SPIDR: variants seen among roughly 807,000 people sequenced by gnomAD.
The protein encoded by SPIDR is DNA repair-scaffolding protein.
Under a neutral mutation model 104.6 loss-of-function variants are expected in SPIDR, and 93 were observed. The ratio of observed to expected loss-of-function variants is 0.89; its 90% CI spans 0.75 to 1.06. SPIDR has a LOEUF of 1.06. Ranked by LOEUF, SPIDR falls within the 50% of genes least tolerant of loss-of-function variation. SPIDR has a pLI of 0.00. For missense variants in SPIDR, 1,154 were observed against 1,111.2 expected, an observed-to-expected ratio of 1.04 and a Z score of -0.55; for synonymous variants, 431 against 416.9, an observed-to-expected ratio of 1.03 and a Z score of -0.41.
At chr8:47,490,746 A>T (rs143891270) in intron 8 of SPIDR, among the ~76,000 whole-genome samples, 2 of 152,218 alleles carry the variant, frequency 1.3e-5, no homozygotes, top group African/African-American at 4.8e-5. Flanking sequence ...TATCGCAAGG[A>T]CAAAAAACCA....
Position 47,735,931 on chromosome 8 carries a change from A to G in SPIDR, c.*481A>G, listed in dbSNP as rs1401242422. The G allele has an allele frequency of 4.3e-6, 1 of 232,722 alleles. No individual in the cohort carries two copies. The highest frequency in any genetic ancestry group is 8.6e-6 in the Non-Finnish European group (1 of 116,134). 14.4% of individuals were successfully genotyped at this position (232,722 alleles called of 1,614,324 possible). A position where few individuals can be genotyped will look rare whatever the true frequency, so the allele number is the denominator to read the frequency against. ...AAACCTAAGCACTTTGCAGTTCACTACTTTTGGGAAAATGTTCTAGGGAAC... is the reference window on the plus strand; with the variant it reads ...AAACCTAAGCACTTTGCAGTTCACTGCTTTTGGGAAAATGTTCTAGGGAAC... On this transcript the variant is annotated 3_prime_UTR_variant, in exon 20 of 20. Transcript: ENST00000297423.
chr8:47,657,250 A>G (rs1401131177), intron 10 of SPIDR, among the ~76,000 whole-genome samples: 1 of 152,232 alleles, frequency 6.6e-6, no homozygotes, highest in Admixed American at 6.5e-5. Flanking sequence ...AAAAGGCATA[A>G]TAGCTTGTTT....
At chr8:47,388,516 T>C (rs1347438244) in intron 5 of SPIDR, 2 of 154,168 alleles carry the variant, frequency 1.3e-5, no homozygotes, top group Non-Finnish European at 2.9e-5. Flanking sequence ...CATGAGCTCA[T>C]GGACTTTTCG....
chr8:47,275,754 A>G (rs2036301173), intron 1 of SPIDR, among the ~76,000 whole-genome samples: 1 of 152,306 alleles, frequency 6.6e-6, no homozygotes, highest in African/African-American at 2.4e-5. Flanking sequence ...GTAATTTTGT[A>G]TTTAGTAAAT....
At chr8:47,486,537 A>G (rs2077651722) in intron 8 of SPIDR, among the ~76,000 whole-genome samples, 1 of 152,182 alleles carries the variant, frequency 6.6e-6, no homozygotes, top group African/African-American at 2.4e-5. Context: ...CAACTCCAAG[A>G]CACATAATTG....
chr8:47,726,017 A>G (rs2084178435), intron 16 of SPIDR, among the ~76,000 whole-genome samples: 1 of 152,222 alleles, frequency 6.6e-6, no homozygotes, highest in Non-Finnish European at 1.5e-5. Context: ...CCACAGTGGC[A>G]GATGTGCTCT....
intron 10 of SPIDR, among the ~76,000 whole-genome samples, chr8:47,623,211 T>A (rs1319574487): frequency 3.9e-5 from 6 of 152,180 alleles, no homozygotes; most frequent in Non-Finnish European, 8.8e-5. Flanking sequence ...CCACCAGGCC[T>A]GCCCTAAAAG....
chr8:47,295,817 A>G (rs1020420618), intron 5 of SPIDR, among the ~76,000 whole-genome samples: 3 of 152,186 alleles, frequency 2.0e-5, no homozygotes, highest in Non-Finnish European at 4.4e-5. Flanking sequence ...AAGTGGGATT[A>G]CTAGATTATA....
intron 8 of SPIDR, among the ~76,000 whole-genome samples, chr8:47,567,780 C>CTTTTTTTTTTTTTTTTT (rs35199139): frequency 8.4e-5 from 6 of 71,022 alleles, no homozygotes; most frequent in Non-Finnish European, 1.3e-4. Context: ...TTTTCTTTTT[C>CTTTTTTTTTTTTTTTTT]TTTTTTTTTT....
chr8:47,661,410 C>A (rs1029675366), intron 10 of SPIDR, among the ~76,000 whole-genome samples: 1 of 152,240 alleles, frequency 6.6e-6, no homozygotes, highest in Non-Finnish European at 1.5e-5. Context: ...AGCTCAAGAT[C>A]GCTAGCAGCG....
rs922168814 is a variant in SPIDR, at chr8:47,735,762, C to G, written c.*312C>G. ...ATATGAGAAAAAAATTTTTTTTGTT[C>G]ATTTGTAATTTTAACAAGTTGAACA... On this transcript the variant is annotated 3_prime_UTR_variant, in exon 20 of 20. Coordinates refer to ENST00000297423, the MANE Select transcript of SPIDR (RefSeq NM_001080394.4). The G allele has an allele frequency of 1.8e-4, 95 of 534,142 alleles. No individual in the cohort carries two copies. Among genetic ancestry groups the G allele is most frequent in the African/African-American group, 1.7e-3 (89 of 52,566 alleles). 33.1% of individuals were successfully genotyped at this position (534,142 alleles called of 1,614,324 possible). A position where few individuals can be genotyped will look rare whatever the true frequency, so the allele number is the denominator to read the frequency against.
At chr8:47,692,112 C>T (rs997520214) in intron 11 of SPIDR, among the ~76,000 whole-genome samples, 15 of 152,186 alleles carry the variant, frequency 9.9e-5, no homozygotes, top group African/African-American at 2.9e-4. Flanking sequence ...GTTTAGTGGT[C>T]TCCTGATTAG....
chr8:47,572,270 A>T (rs1428579945), intron 8 of SPIDR, among the ~76,000 whole-genome samples: 1 of 152,206 alleles, frequency 6.6e-6, no homozygotes. Context: ...GATAGTTTAC[A>T]ATCTTAACAT....
intron 8 of SPIDR, among the ~76,000 whole-genome samples, chr8:47,563,254 C>G (rs1460673616): frequency 6.6e-6 from 1 of 151,980 alleles, no homozygotes. Context: ...ACTGCAGCCT[C>G]GAACTCCTAG....
intron 8 of SPIDR, among the ~76,000 whole-genome samples, chr8:47,493,118 T>C (rs900068419): frequency 5.3e-5 from 8 of 151,894 alleles, no homozygotes; most frequent in African/African-American, 1.9e-4. Context: ...CATATTCTGC[T>C]AATGCAAGGG....
At chr8:47,529,359 A>G (rs1043708916) in intron 8 of SPIDR, among the ~76,000 whole-genome samples, 7 of 152,158 alleles carry the variant, frequency 4.6e-5, no homozygotes, top group African/African-American at 1.7e-4. Flanking sequence ...TGGAGGTTGC[A>G]GTGAGCCGAG....
At chr8:47,543,044 G>A (rs1587471231) in intron 8 of SPIDR, among the ~76,000 whole-genome samples, 4 of 152,156 alleles carry the variant, frequency 2.6e-5, no homozygotes, top group South Asian at 2.1e-4. Flanking sequence ...CAGAGTGGAC[G>A]TCCCTGGCAT....
At chr8:47,297,220 C>A (rs1554573361) in intron 5 of SPIDR, among the ~76,000 whole-genome samples, 1 of 152,124 alleles carries the variant, frequency 6.6e-6, no homozygotes, top group Non-Finnish European at 1.5e-5. Flanking sequence ...CTTGCCTAAT[C>A]GCTCTTGCCA....
intron 10 of SPIDR, among the ~76,000 whole-genome samples, chr8:47,629,904 C>T (rs527833039): frequency 1.9e-3 from 292 of 152,338 alleles, no homozygotes; most frequent in Non-Finnish European, 3.2e-3. Context: ...AGGGAATTTT[C>T]AGCCACTTTT....
Sources: gnomAD v4.1 joint callset for allele counts (sites outside exome capture counted in the v4.1 genomes callset) on GRCh38, gnomAD v4.1.1 for gene constraint, MANE v1.5 for transcripts, NCBI Gene and HGNC (gene_info 2026-07-23, HGNC 2026-07-21) for gene names.